CACNA1E: variants seen among roughly 807,000 people sequenced by gnomAD.
CACNA1E encodes the protein voltage-dependent R-type calcium channel subunit alpha-1E.
CACNA1E carries 40 observed loss-of-function variants against 259.2 expected under a neutral mutation model. The ratio of observed to expected loss-of-function variants is 0.15; its 90% CI spans 0.12 to 0.20. The LOEUF (loss-of-function observed/expected upper bound fraction) is 0.20. CACNA1E is among the 10% of genes least tolerant of loss of function. CACNA1E has a pLI of 1.00. For missense variants in CACNA1E, 1,874 were observed against 3,040.1 expected (o/e 0.62, Z 9.02); for synonymous variants, 1,104 against 1,138.5 (o/e 0.97, Z 0.61).
Position 181,726,182 on chromosome 1 carries a change from C to T in CACNA1E, c.2240+20C>T. 1 of 1,569,362 alleles carries T rather than the reference C, an allele frequency of 6.4e-7. No homozygotes were observed. The highest frequency in any genetic ancestry group is 8.7e-7 in the Non-Finnish European group (1 of 1,143,782). ...GATCGAGTGAGTCAGCTGCCCCCTT[C>T]ACTGATCCCTGAGCTCCTGTGCTAA... On this transcript the variant is annotated intron_variant, in intron 18 of 47. Coordinates refer to ENST00000367573, the MANE Select transcript of CACNA1E (RefSeq NM_001205293.3).
intron 1 of CACNA1E, among the ~76,000 whole-genome samples, chr1:181,390,930 CT>C (rs1656225170): frequency 6.6e-6 from 1 of 152,168 alleles, no homozygotes; most frequent in Admixed American, 6.5e-5. Flanking sequence ...GATTGATGTG[CT>C]GATTGGCCGC....
At chr1:181,500,564 T>C (rs1665157436) in intron 1 of CACNA1E, among the ~76,000 whole-genome samples, 1 of 152,260 alleles carries the variant, frequency 6.6e-6, no homozygotes, top group Admixed American at 6.5e-5. Context: ...AGTTCTTCTC[T>C]TTATTGCTCC....
At chr1:181,420,457 A>T (rs193201275) in intron 2 of CACNA1E, among the ~76,000 whole-genome samples, 146 of 152,328 alleles carry the variant, frequency 9.6e-4, no homozygotes, top group South Asian at 2.3e-3. Flanking sequence ...ATGTTTTACT[A>T]ATACTTTAAT....
intron 6 of CACNA1E, among the ~76,000 whole-genome samples, chr1:181,608,125 T>G (rs1208571307): frequency 6.6e-6 from 1 of 152,128 alleles, no homozygotes; most frequent in Non-Finnish European, 1.5e-5. Flanking sequence ...GTGCCACCTC[T>G]TAGAAACTAG....
intron 3 of CACNA1E, among the ~76,000 whole-genome samples, chr1:181,526,469 A>G (rs1667368440): frequency 6.6e-6 from 1 of 150,620 alleles, no homozygotes; most frequent in Non-Finnish European, 1.5e-5. Flanking sequence ...GAAAGGGTGT[A>G]TCTGTTGGTC....
At chr1:181,380,466 C>T (rs948562858) in intron 1 of CACNA1E, among the ~76,000 whole-genome samples, 5 of 152,108 alleles carry the variant, frequency 3.3e-5, no homozygotes, top group African/African-American at 1.2e-4. Flanking sequence ...CAAAACCAGA[C>T]AAAAGATATA....
intron 11 of CACNA1E, 128 bp from the exon 12 acceptor site, chr1:181,717,927 G>T (rs756116483): frequency 4.1e-5 from 25 of 614,340 alleles, no homozygotes; most frequent in Non-Finnish European, 6.5e-5. Flanking sequence ...TCCAGCCCTG[G>T]CCTGATGTGG....
chr1:181,695,501 G>A (rs1651604643), intron 7 of CACNA1E, among the ~76,000 whole-genome samples: 1 of 152,134 alleles, frequency 6.6e-6, no homozygotes, highest in African/African-American at 2.4e-5. Context: ...CTGTAATCAA[G>A]ACAATATGGT....
intron 25 of CACNA1E, among the ~76,000 whole-genome samples, chr1:181,747,913 G>A (rs1376294768): frequency 6.6e-6 from 1 of 152,146 alleles, no homozygotes; most frequent in East Asian, 1.9e-4. Flanking sequence ...AACTAATGGG[G>A]ACTAAAGTGT....
At chr1:181,706,089 A>G (rs1652768400) in intron 7 of CACNA1E, among the ~76,000 whole-genome samples, 1 of 152,130 alleles carries the variant, frequency 6.6e-6, no homozygotes, top group Non-Finnish European at 1.5e-5. Context: ...ACCTTAGGCC[A>G]CAGGCTGTTG....
At chr1:181,712,029 A>G (rs980541504) in intron 8 of CACNA1E, among the ~76,000 whole-genome samples, 3 of 152,128 alleles carry the variant, frequency 2.0e-5, no homozygotes, top group African/African-American at 4.8e-5. Flanking sequence ...AATGGTGAGA[A>G]CAGGTGTTTT....
intron 5 of CACNA1E, among the ~76,000 whole-genome samples, chr1:181,579,810 C>T (rs574952483): frequency 1.3e-5 from 2 of 152,300 alleles, no homozygotes; most frequent in Admixed American, 1.3e-4. Flanking sequence ...TGGGTCCCTC[C>T]GGATCTGTGG....
chr1:181,517,704 T>C (rs972885447), intron 3 of CACNA1E, among the ~76,000 whole-genome samples: 1 of 152,068 alleles, frequency 6.6e-6, no homozygotes, highest in Non-Finnish European at 1.5e-5. Context: ...TTCTCGCCAG[T>C]GGCACATGCA....
At chr1:181,506,961 A>G (rs1247829000) in intron 1 of CACNA1E, among the ~76,000 whole-genome samples, 1 of 152,072 alleles carries the variant, frequency 6.6e-6, no homozygotes, top group Admixed American at 6.5e-5. Context: ...CGCAGCCATG[A>G]ATTCATCCTG....
At chr1:181,321,601 G>A (rs1349824845) in intron 1 of CACNA1E, among the ~76,000 whole-genome samples, 1 of 152,216 alleles carries the variant, frequency 6.6e-6, no homozygotes, top group Non-Finnish European at 1.5e-5. Context: ...TTGATAGTGT[G>A]TTGGTTGGGT....
At chr1:181,594,240 T>G (rs1260619324) in intron 6 of CACNA1E, among the ~76,000 whole-genome samples, 1 of 152,006 alleles carries the variant, frequency 6.6e-6, no homozygotes. Flanking sequence ...CAGGTTGAGT[T>G]TTCTTTTCCA....
intron 6 of CACNA1E, among the ~76,000 whole-genome samples, chr1:181,601,642 C>G (rs1653758537): frequency 6.6e-6 from 1 of 152,200 alleles, no homozygotes; most frequent in Non-Finnish European, 1.5e-5. Context: ...CCTACCAATC[C>G]TGACCTCCAG....
At chr1:181,497,093 T>A (rs1305730682) in intron 1 of CACNA1E, among the ~76,000 whole-genome samples, 1 of 152,150 alleles carries the variant, frequency 6.6e-6, no homozygotes, top group African/African-American at 2.4e-5. Context: ...TTTATTTATT[T>A]TTGAGATCAC....
chr1:181,687,549 CT>C (rs1392751793), intron 7 of CACNA1E, among the ~76,000 whole-genome samples: 2 of 152,236 alleles, frequency 1.3e-5, no homozygotes, highest in East Asian at 3.9e-4. Context: ...AGAGGCTCAC[CT>C]CTGCACATGG....
Sources: allele counts gnomAD v4.1 joint callset (sites outside exome capture counted in the v4.1 genomes callset), GRCh38; gene constraint gnomAD v4.1.1; transcripts MANE v1.5; gene names NCBI Gene and HGNC (gene_info 2026-07-23, HGNC 2026-07-21).